ARHGAP18: variants seen among roughly 807,000 people sequenced by gnomAD.
ARHGAP18 encodes rho GTPase-activating protein 18.
In ARHGAP18, 67 loss-of-function variants were observed where a neutral mutation model predicts 86.2. That is an observed-to-expected ratio of 0.78 (90% CI 0.64 to 0.95). ARHGAP18 has a LOEUF of 0.95. ARHGAP18 is among the 40% of genes least tolerant of loss of function. ARHGAP18 has a pLI of 0.00. For synonymous variants in ARHGAP18, 283 were observed against 280.4 expected (o/e 1.01, Z -0.09); for missense variants, 691 against 780.4 (o/e 0.89, Z 1.37).
At chr6:129,603,873 C>G (rs149413788) in intron 10 of ARHGAP18, among the ~76,000 whole-genome samples, 1 of 152,176 alleles carries the variant, frequency 6.6e-6, no homozygotes, top group Admixed American at 6.5e-5. Flanking sequence ...GCCTCCTAAC[C>G]CTTAGACTTG....
chr6:129,603,535 A>ACATCT (rs1788792366), intron 10 of ARHGAP18, among the ~76,000 whole-genome samples: 1 of 152,198 alleles, frequency 6.6e-6, no homozygotes, highest in Admixed American at 6.5e-5. Context: ...GTAGCTGGGT[A>ACATCT]TGATGTTACA....
chr6:129,607,349 C>A (rs1196313771), intron 9 of ARHGAP18, among the ~76,000 whole-genome samples: 1 of 152,112 alleles, frequency 6.6e-6, no homozygotes, highest in Non-Finnish European at 1.5e-5. Flanking sequence ...GTGTAGCTTG[C>A]CCAAGACGAC....
intron 5 of ARHGAP18, among the ~76,000 whole-genome samples, chr6:129,620,480 TATTAAACAC>T (rs987480288): frequency 6.6e-6 from 1 of 152,236 alleles, no homozygotes; most frequent in African/African-American, 2.4e-5. Flanking sequence ...CATCTTTTAA[TATTAAACAC>T]ATTAAACATC....
chr6:129,694,850 A>G (rs753283184), intron 1 of ARHGAP18, among the ~76,000 whole-genome samples: 6 of 152,238 alleles, frequency 3.9e-5, no homozygotes, highest in Non-Finnish European at 7.3e-5. Context: ...CTTGTGTTCT[A>G]TGAAGCTTAA....
In ARHGAP18 at chr6:129,618,801, C is replaced by G; in HGVS notation, c.838G>C (p.Ala280Pro). ...KTGTTRIGDL[A>P]PQDMKKVCHL... ...CAAACTTTCTTCATGTCCTGGGGTG[C>G]GAGGTCACCAATCCTTGTGGTACCC... is the stretch of plus-strand genomic sequence containing the variant. The change falls in exon 6 of 15, where the codon GCA (alanine) becomes CCA (proline). Residue 280 changes from alanine to proline, a missense_variant. Ala to Pro is a conservative substitution (Grantham distance 27). Coordinates refer to ENST00000368149, the MANE Select transcript of ARHGAP18 (RefSeq NM_033515.3). 2 of 1,613,292 alleles carry G rather than the reference C, an allele frequency of 1.2e-6. No homozygotes were observed. The highest frequency in any genetic ancestry group is 1.7e-6 in the Non-Finnish European group (2 of 1,179,814).
chr6:129,680,408 A>T (rs1774305386), intron 1 of ARHGAP18, among the ~76,000 whole-genome samples: 1 of 152,224 alleles, frequency 6.6e-6, no homozygotes, highest in South Asian at 2.1e-4. Flanking sequence ...AATTTAATTA[A>T]ATTATACTGG....
At chr6:129,580,583 G>A (rs1212478825) in intron 13 of ARHGAP18, among the ~76,000 whole-genome samples, 1 of 152,208 alleles carries the variant, frequency 6.6e-6, no homozygotes, top group Non-Finnish European at 1.5e-5. Context: ...CAAGATGCAT[G>A]TGAAGAATAA....
At chr6:129,614,469 T>C (rs1789051198) in intron 7 of ARHGAP18, among the ~76,000 whole-genome samples, 1 of 151,992 alleles carries the variant, frequency 6.6e-6, no homozygotes, top group African/African-American at 2.4e-5. Context: ...TTCAAATAGA[T>C]AAGACAGCCA....
Position 129,616,320 on chromosome 6 carries a change from GAAATT to G in ARHGAP18, c.953-22_953-18del, listed in dbSNP as rs1562691738. 6.3e-7 allele frequency: 1 copy of G among 1,588,018 alleles called. No individual in the cohort carries two copies. Among genetic ancestry groups the G allele is most frequent in the African/African-American group, 1.4e-5 (1 of 74,058 alleles). The stretch of plus-strand genomic sequence containing the variant: ...GACCAGAATCTGCAAGAAAAAAAAT[GAAATT>G]TCCTCACTTTTGTCAATCTATAAAA... On this transcript the variant is annotated intron_variant, in intron 6 of 14. Coordinates refer to ENST00000368149, the MANE Select transcript of ARHGAP18 (RefSeq NM_033515.3).
chr6:129,633,044 A>G (rs1025051249), intron 4 of ARHGAP18, among the ~76,000 whole-genome samples: 1 of 152,198 alleles, frequency 6.6e-6, no homozygotes, highest in Non-Finnish European at 1.5e-5. Flanking sequence ...TTAAGCTTAA[A>G]TCTATTAACT....
At chr6:129,585,020 C>T (rs1584021386) in intron 12 of ARHGAP18, among the ~76,000 whole-genome samples, 1 of 143,054 alleles carries the variant, frequency 7.0e-6, no homozygotes, top group Non-Finnish European at 1.5e-5. Flanking sequence ...ATATCATGTC[C>T]TTTTTTTTTT....
At position 129,666,218 on chromosome 6, in the gene ARHGAP18, T is replaced by C. The variant is rs557168730; in HGVS notation, c.114-24200A>G. Among the ~76,000 whole-genome samples, 3 of 152,252 alleles carry C rather than the reference T, an allele frequency of 2.0e-5. 1 individual carries two copies. The highest frequency in any genetic ancestry group is 7.2e-5 in the African/African-American group (3 of 41,536). The stretch of plus-strand genomic sequence containing the variant: ...CAGCAATGCCTGTAGCAATTGACAC[T>C]GCCCTCTTTTTCTGTGGAAAAGAGG... On this transcript the variant is annotated intron_variant, in intron 1 of 14. Transcript: ENST00000368149.
rs376556800 is a variant in ARHGAP18 at position 129,629,233 on chromosome 6, GTC to G, written c.786+118_786+119del. 3,748 of 699,828 alleles carry G rather than the reference GTC, an allele frequency of 5.4e-3. 8 individuals carry two copies. The highest frequency in any genetic ancestry group is 6.6e-3 in the African/African-American group (344 of 51,842). 43.4% of individuals were successfully genotyped at this position (699,828 alleles called of 1,614,324 possible). On this transcript the variant is annotated intron_variant, in intron 5 of 14. Coordinates refer to ENST00000368149, the MANE Select transcript of ARHGAP18 (RefSeq NM_033515.3). ...GCCTCATCTTTCTCTCTGTCTGTCTGTCTCTCTCTCTCTCTATATATATATAT... is the reference window on the plus strand; with the variant it reads ...GCCTCATCTTTCTCTCTGTCTGTCTGTCTCTCTCTCTCTATATATATATAT...
chr6:129,624,753 T>C (rs1259499245), intron 5 of ARHGAP18, among the ~76,000 whole-genome samples: 1 of 151,270 alleles, frequency 6.6e-6, no homozygotes, highest in African/African-American at 2.4e-5. Flanking sequence ...AAGACAAGCC[T>C]GGCCAAGATG....
Position 129,578,121 on chromosome 6 carries a change from T to A in ARHGAP18, c.*392A>T, listed in dbSNP as rs917941804. The A allele has an allele frequency of 6.6e-6, 1 of 152,156 alleles. No homozygotes were observed. The highest frequency in any genetic ancestry group is 2.4e-5 in the African/African-American group (1 of 41,406). 9.4% of individuals were successfully genotyped at this position (152,156 alleles called of 1,614,324 possible). ...GCAAACCTAACTGGGAAAGGGTAGA[T>A]GTGAGGAGGTAATAGAGGTGAGAGA... On this transcript the variant is annotated 3_prime_UTR_variant, in exon 15 of 15. Coordinates refer to ENST00000368149, the MANE Select transcript of ARHGAP18 (RefSeq NM_033515.3).
intron 1 of ARHGAP18, among the ~76,000 whole-genome samples, chr6:129,682,226 T>G (rs369477344): frequency 2.0e-5 from 3 of 152,194 alleles, no homozygotes; most frequent in African/African-American, 7.2e-5. Context: ...AAGGACAATA[T>G]TGGTGTCTGT....
rs1055734468 is a variant in ARHGAP18, at chr6:129,593,241, C to T, written c.1713+5975G>A. Among the ~76,000 whole-genome samples the T allele has an allele frequency of 2.4e-4, 36 of 152,062 alleles. 1 individual carries two copies. The highest frequency in any genetic ancestry group is 2.1e-3 in the Admixed American group (32 of 15,266). Reference sequence around the variant, plus strand: ...GTGAAAGGCTGAGGAGGGAGGATCGCTTCATGCCAGGAGTTCGAGACCAGC... The same window carrying T: ...GTGAAAGGCTGAGGAGGGAGGATCGTTTCATGCCAGGAGTTCGAGACCAGC... On this transcript the variant is annotated intron_variant, in intron 12 of 14. Coordinates refer to ENST00000368149, the MANE Select transcript of ARHGAP18 (RefSeq NM_033515.3).
At chr6:129,589,988 A>G (rs1788478272) in intron 12 of ARHGAP18, among the ~76,000 whole-genome samples, 1 of 152,182 alleles carries the variant, frequency 6.6e-6, no homozygotes, top group Non-Finnish European at 1.5e-5. Flanking sequence ...CAGAGCAGGA[A>G]GCATCCAGCC....
At chr6:129,662,976 A>G (rs1462525493) in intron 1 of ARHGAP18, among the ~76,000 whole-genome samples, 1 of 152,212 alleles carries the variant, frequency 6.6e-6, no homozygotes, top group Non-Finnish European at 1.5e-5. Context: ...AAATTTAATA[A>G]TTTGTCAGGG....
Sources: gnomAD v4.1 joint callset for allele counts (sites outside exome capture counted in the v4.1 genomes callset) on GRCh38, gnomAD v4.1.1 for gene constraint, MANE v1.5 for transcripts, NCBI Gene and HGNC (gene_info 2026-07-23, HGNC 2026-07-21) for gene names.